Variants in PCGF5 observed in about 807,000 individuals in gnomAD.
PCGF5 encodes polycomb group ring finger 5, also known as polycomb group RING finger protein 5.
PCGF5 carries 9 observed loss-of-function variants against 44.3 expected under a neutral mutation model. That is an observed-to-expected ratio of 0.20 (90% CI 0.12 to 0.35). The LOEUF is 0.35. PCGF5 is among the 10% of genes least tolerant of loss of function. The pLI is 1.00. For missense variants in PCGF5, 146 were observed against 305.3 expected, an observed-to-expected ratio of 0.48 and a Z score of 3.89; for synonymous variants, 95 against 102.5, an observed-to-expected ratio of 0.93 and a Z score of 0.44.
intron 9 of PCGF5, among the ~76,000 whole-genome samples, chr10:91,273,142 C>T (rs1187084735): frequency 6.6e-6 from 1 of 152,182 alleles, no homozygotes; most frequent in African/African-American, 2.4e-5. Flanking sequence ...GTAAATTTAA[C>T]ATCTCTGAAG....
intron 1 of PCGF5, among the ~76,000 whole-genome samples, chr10:91,192,307 G>A (rs892281013): frequency 5.3e-5 from 8 of 152,078 alleles, no homozygotes; most frequent in Admixed American, 1.3e-4. Context: ...TGTTTTGCTC[G>A]TATACCTGGA....
intron 1 of PCGF5, among the ~76,000 whole-genome samples, chr10:91,164,137 G>A (rs1050933871): frequency 1.3e-5 from 2 of 152,226 alleles, no homozygotes; most frequent in Non-Finnish European, 2.9e-5. Context: ...TACTCGCTAT[G>A]TACCTCTGAC....
At chr10:91,234,115 T>C (rs1845087441) in intron 2 of PCGF5, among the ~76,000 whole-genome samples, 1 of 152,140 alleles carries the variant, frequency 6.6e-6, no homozygotes, top group Non-Finnish European at 1.5e-5. Context: ...CAACAACAAA[T>C]GACCTTGTAC....
intron 5 of PCGF5, among the ~76,000 whole-genome samples, chr10:91,249,397 ATATATATATATATATATATAT>A (rs1447299128): frequency 7.0e-6 from 1 of 143,170 alleles, no homozygotes; most frequent in African/African-American, 2.5e-5. Context: ...ATATATATAT[ATATATATATATATATATATAT>A]ATGTATAAAA....
At chr10:91,157,359 T>C in the PCGF5 span, among the ~76,000 whole-genome samples, 1 of 152,202 alleles carries the variant, frequency 6.6e-6, no homozygotes, top group Admixed American at 6.5e-5. Flanking sequence ...CTTGACAATA[T>C]AAACTCATAT....
chr10:91,212,858 G>A (rs1008271072), intron 1 of PCGF5, among the ~76,000 whole-genome samples: 21 of 152,100 alleles, frequency 1.4e-4, no homozygotes, highest in Non-Finnish European at 2.9e-5. Context: ...TAAGCTTGAT[G>A]TCTCCTCTCT....
At chr10:91,270,831 A>G (rs1015492049) in intron 8 of PCGF5, among the ~76,000 whole-genome samples, 2 of 152,104 alleles carry the variant, frequency 1.3e-5, no homozygotes, top group African/African-American at 4.8e-5. Flanking sequence ...GCATAATTTT[A>G]AAGTATACAT....
At chr10:91,190,801 T>C (rs1024493364) in intron 1 of PCGF5, among the ~76,000 whole-genome samples, 2 of 152,246 alleles carry the variant, frequency 1.3e-5, no homozygotes, top group African/African-American at 2.4e-5. Context: ...ATTCCTGTTA[T>C]AGGTATTCAA....
intron 9 of PCGF5, among the ~76,000 whole-genome samples, chr10:91,277,910 C>T (rs551341422): frequency 1.2e-4 from 18 of 152,044 alleles, no homozygotes; most frequent in African/African-American, 4.1e-4. Flanking sequence ...CTGTCTTGTT[C>T]GCCTCCTAGG....
rs1201755126 is a variant in PCGF5 at position 91,278,477 on chromosome 10, G to C, written c.*161G>C. ...CTAAATTGTCAGTTGCATTCATGTT[G>C]TTTCTATTAGGAGCAAACCAAGTGC... is the stretch of plus-strand genomic sequence containing the variant. On this transcript the variant is annotated 3_prime_UTR_variant, in exon 10 of 10. Coordinates refer to ENST00000336126, the MANE Select transcript of PCGF5 (RefSeq NM_032373.5). 10 of 661,986 alleles carry C rather than the reference G, an allele frequency of 1.5e-5. No homozygotes were observed. The African/African-American group carries it at 1.8e-4, about 12-fold the overall frequency. The allele number at this position is 661,986 out of a possible 1,614,324, so 41.0% of individuals were successfully genotyped here. A position where few individuals can be genotyped will look rare whatever the true frequency, so the allele number is the denominator to read the frequency against.
At chr10:91,187,972 A>G (rs1843957294) in intron 1 of PCGF5, among the ~76,000 whole-genome samples, 3 of 151,080 alleles carry the variant, frequency 2.0e-5, no homozygotes, top group African/African-American at 7.3e-5. Context: ...TTAAACTTTT[A>G]ATTTTTTTAA....
intron 9 of PCGF5, 132 bp downstream of exon 9, chr10:91,271,829 A>C (rs986949014): frequency 4.5e-6 from 3 of 661,848 alleles, no homozygotes; most frequent in African/African-American, 3.6e-5. Context: ...TTATCTTTTC[A>C]ACTTATATAC....
At chr10:91,205,158 A>C (rs1844322899) in intron 1 of PCGF5, among the ~76,000 whole-genome samples, 1 of 152,222 alleles carries the variant, frequency 6.6e-6, no homozygotes, top group African/African-American at 2.4e-5. Context: ...CTCTCACTAG[A>C]GTCACTAAGT....
Position 91,253,003 on chromosome 10 carries a change from A to G in PCGF5, c.474+1563A>G, listed in dbSNP as rs150189406. On this transcript the variant is annotated intron_variant, in intron 6 of 9. Transcript: ENST00000336126. Reference sequence around the variant, plus strand: ...CTTGTACCTTCATTCTTAGTTTATAAATGACTTTTACTAAGCTACCCTGAT... The same window carrying G: ...CTTGTACCTTCATTCTTAGTTTATAGATGACTTTTACTAAGCTACCCTGAT... 3.6e-4 allele frequency among the ~76,000 whole-genome samples: 54 copies of G among 151,950 alleles called. 1 individual carries two copies. The East Asian group carries it at 9.3e-3, about 26-fold the overall frequency.
intron 2 of PCGF5, chr10:91,227,843 G>A: frequency 1.0e-6 from 1 of 985,836 alleles, no homozygotes; most frequent in African/African-American, 1.7e-5. Context: ...TCTGTGCCCA[G>A]CTAGCAGTTA....
At chr10:91,260,454 T>C (rs1845869623) in intron 6 of PCGF5, among the ~76,000 whole-genome samples, 1 of 152,158 alleles carries the variant, frequency 6.6e-6, no homozygotes, top group Non-Finnish European at 1.5e-5. Context: ...GCCATCCCAT[T>C]ACTGGGTATA....
intron 1 of PCGF5, among the ~76,000 whole-genome samples, chr10:91,169,330 G>T (rs895762912): frequency 6.6e-6 from 1 of 152,158 alleles, no homozygotes; most frequent in Admixed American, 6.5e-5. Flanking sequence ...TGGAAAGGAA[G>T]AAATAAACCT....
the PCGF5 span, among the ~76,000 whole-genome samples, chr10:91,156,682 C>T: frequency 1.4e-4 from 22 of 152,084 alleles, 1 homozygote; most frequent in African/African-American, 5.3e-4. Flanking sequence ...ATGGGGAGGA[C>T]CAGGGTGATT....
intron 3 of PCGF5, among the ~76,000 whole-genome samples, chr10:91,246,642 A>G (rs970452455): frequency 6.6e-6 from 1 of 152,124 alleles, no homozygotes; most frequent in African/African-American, 2.4e-5. Flanking sequence ...TTGTTGGGAG[A>G]ATAGGTGGGA....
Sources: allele counts gnomAD v4.1 joint callset (sites outside exome capture counted in the v4.1 genomes callset), GRCh38; gene constraint gnomAD v4.1.1; transcripts MANE v1.5; gene names NCBI Gene and HGNC (gene_info 2026-07-23, HGNC 2026-07-21).